USP54: variants seen among roughly 807,000 people sequenced by gnomAD.
USP54 encodes ubiquitin specific peptidase 54.
Under a neutral mutation model 170.5 loss-of-function variants are expected in USP54, and 87 were observed. The ratio of observed to expected loss-of-function variants is 0.51; its 90% CI spans 0.43 to 0.61. The LOEUF is 0.61. Among genes scored for constraint, USP54 ranks in the 20% least tolerant of loss-of-function variants. The pLI, the probability that USP54 is intolerant of heterozygous loss-of-function variation, is 0.00. For synonymous variants in USP54, 655 were observed against 742.8 expected (o/e 0.88, Z 1.92); for missense variants, 1,786 against 2,047.8 (o/e 0.87, Z 2.47).
chr10:73,622,422 C>T (rs1185501635), intron 1 of USP54, among the ~76,000 whole-genome samples: 3 of 151,966 alleles, frequency 2.0e-5, no homozygotes, highest in Non-Finnish European at 4.4e-5. Flanking sequence ...TTCCTGGGTT[C>T]AAGCGATTCT....
chr10:73,543,524 G>A (rs994339530), intron 5 of USP54, among the ~76,000 whole-genome samples: 2 of 151,810 alleles, frequency 1.3e-5, no homozygotes, highest in Non-Finnish European at 2.9e-5. Context: ...CCGCCACCAC[G>A]CCCGGCTAAT....
intron 4 of USP54, among the ~76,000 whole-genome samples, chr10:73,565,685 C>A (rs80099024): frequency 3.9e-5 from 6 of 152,072 alleles, no homozygotes; most frequent in Admixed American, 6.6e-5. Flanking sequence ...TACCACCACA[C>A]TGGAAAAGAA....
upstream of USP54, among the ~76,000 whole-genome samples, chr10:73,591,721 T>C (rs557874012): frequency 6.6e-6 from 1 of 152,298 alleles, no homozygotes; most frequent in South Asian, 2.1e-4. Flanking sequence ...TGGCTGCTGC[T>C]TCCAAAGAAG....
Position 73,579,122 on chromosome 10 carries a change from T to A in USP54, c.-581-2761A>T, listed in dbSNP as rs190728494. Among the ~76,000 whole-genome samples the A allele has an allele frequency of 1.9e-4, 28 of 148,866 alleles. No individual in the cohort carries two copies. The East Asian group carries it at 5.8e-3, about 31-fold the overall frequency. On this transcript the variant is annotated intron_variant, in intron 1 of 23. Coordinates refer to ENST00000687698, the MANE Select transcript of USP54 (RefSeq NM_001391956.1). ...CTGGCATTACAGGCATGCACCACCA[T>A]GTATTTTTAGTACAGATGGGGTTTC...
intron 10 of USP54, among the ~76,000 whole-genome samples, chr10:73,538,844 A>G (rs1331735256): frequency 6.6e-6 from 1 of 152,136 alleles, no homozygotes; most frequent in East Asian, 1.9e-4. Context: ...TTTGTCACCT[A>G]TAAATACAAA....
At chr10:73,560,188 ACAC>A (rs771878040) in intron 4 of USP54, among the ~76,000 whole-genome samples, 8 of 152,198 alleles carry the variant, frequency 5.3e-5, no homozygotes, top group Non-Finnish European at 1.0e-4. Flanking sequence ...CACACTGGAA[ACAC>A]CACAAGATAA....
rs180866256 is a variant in USP54 at position 73,566,962 on chromosome 10, C to T, written c.240+4459G>A. The stretch of plus-strand genomic sequence containing the variant: ...CACGATCCTGGCTCACTGCAACCTC[C>T]GCTTCCCGGGTTCAAGTGATTCTCA... On this transcript the variant is annotated intron_variant, in intron 4 of 23. Coordinates refer to ENST00000687698, the MANE Select transcript of USP54 (RefSeq NM_001391956.1). Among the ~76,000 whole-genome samples, 473 of 151,928 alleles carry T rather than the reference C, an allele frequency of 3.1e-3. 3 individuals are homozygous for T. Among genetic ancestry groups the T allele is most frequent in the Non-Finnish European group, 4.7e-3 (321 of 67,958 alleles).
At position 73,571,420 on chromosome 10, in the gene USP54, C is replaced by CTA; in HGVS notation, c.240_240+1insTA (p.Gly81Ter). The CTA allele has an allele frequency of 6.2e-7, 1 of 1,613,000 alleles. No individual in the cohort carries two copies. The highest frequency in any genetic ancestry group is 8.5e-7 in the Non-Finnish European group (1 of 1,179,394). ...AGAAGAAACTAATTGGAAGTACTTA[C>CTA]CTTGAGAGCGCAAAAGATGCAGGAA... On this transcript the variant is annotated frameshift_variant and splice_region_variant. Transcript: ENST00000687698. LOFTEE classifies it high-confidence loss of function.
chr10:73,582,456 G>A (rs1382112870), intron 1 of USP54, among the ~76,000 whole-genome samples: 1 of 151,812 alleles, frequency 6.6e-6, no homozygotes, highest in Non-Finnish European at 1.5e-5. Context: ...TGCGATCTTG[G>A]CTCACTGCAA....
chr10:73,583,181 G>A (rs1223662602), intron 1 of USP54, among the ~76,000 whole-genome samples: 1 of 152,150 alleles, frequency 6.6e-6, no homozygotes, highest in African/African-American at 2.4e-5. Context: ...GAAGAGTAAG[G>A]AAGAAAAACA....
chr10:73,549,801 A>T (rs1350187989), intron 4 of USP54, among the ~76,000 whole-genome samples: 2 of 152,178 alleles, frequency 1.3e-5, no homozygotes, highest in African/African-American at 4.8e-5. Flanking sequence ...ATGATTTTTT[A>T]AAAATATAAA....
At position 73,508,993 on chromosome 10, in the gene USP54, A is replaced by C. The variant is rs2059724837; in HGVS notation, c.4052-3567T>G. Among the ~76,000 whole-genome samples the C allele has an allele frequency of 2.9e-5, 4 of 136,746 alleles. 1 individual carries two copies. The South Asian group carries it at 8.7e-4, about 30-fold the overall frequency. 89.7% of individuals were successfully genotyped at this position (136,746 alleles called of 152,430 possible). A position where few individuals can be genotyped will look rare whatever the true frequency, so the allele number is the denominator to read the frequency against. On this transcript the variant is annotated intron_variant, in intron 20 of 23. Transcript: ENST00000687698. Reference sequence around the variant, plus strand: ...ACATGTTTTTTTTTTTTTTTTCTTAAGGACTTAGACTATAATCAGCAAAAT... The same window carrying C: ...ACATGTTTTTTTTTTTTTTTTCTTACGGACTTAGACTATAATCAGCAAAAT...
At chr10:73,536,055 G>A in intron 11 of USP54, 2 of 594,112 alleles carry the variant, frequency 3.4e-6, no homozygotes, top group South Asian at 4.0e-5. Flanking sequence ...CTGAGTTGAG[G>A]CCAAGTGATT....
intron 13 of USP54, 60 bp from the exon 14 acceptor site, chr10:73,530,583 C>A: frequency 6.4e-7 from 1 of 1,563,804 alleles, no homozygotes; most frequent in Non-Finnish European, 8.6e-7. Flanking sequence ...ATACTAGACC[C>A]CAATGTCGAA....
chr10:73,522,797 A>G lies in USP54; in HGVS notation c.2362+786T>C, dbSNP rs189094037. Among the ~76,000 whole-genome samples, 364 of 152,336 alleles carry G rather than the reference A, an allele frequency of 2.4e-3. 3 individuals carry two copies. Among genetic ancestry groups the G allele is most frequent in the African/African-American group, 8.5e-3 (355 of 41,580 alleles). ...TTACTTGGCCCAAGAAGATTCTCTA[A>G]GTGTATATAAAAAGAGAAAAGTGGT... On this transcript the variant is annotated intron_variant, in intron 17 of 23. Coordinates refer to ENST00000687698, the MANE Select transcript of USP54 (RefSeq NM_001391956.1).
At chr10:73,562,800 T>C (rs2073372127) in intron 4 of USP54, among the ~76,000 whole-genome samples, 2 of 152,202 alleles carry the variant, frequency 1.3e-5, no homozygotes, top group African/African-American at 2.4e-5. Context: ...TTTTCTACAA[T>C]GTATTGCTAG....
In USP54 at chr10:73,617,935, A is replaced by AAAATAT. The variant is rs1420629667; in HGVS notation, c.-18+7631_-18+7632insATATTT. Among the ~76,000 whole-genome samples, 275 of 150,214 alleles carry AAAATAT rather than the reference A, an allele frequency of 1.8e-3. 4 individuals carry two copies. The highest frequency in any genetic ancestry group is 3.1e-3 in the Non-Finnish European group (214 of 67,980). On this transcript the variant is annotated intron_variant, in intron 1 of 22. Coordinates refer to the USP54 transcript ENST00000339859. Reference sequence around the variant, plus strand: ...AAAAATAAAAATAAAAATAAAAATAAGGCAGTGGTTCACACCTGTAATCTC... The same window carrying AAAATAT: ...AAAAATAAAAATAAAAATAAAAATAAAAATATGGCAGTGGTTCACACCTGTAATCTC...
chr10:73,624,190 A>G (rs867512526), intron 1 of USP54, among the ~76,000 whole-genome samples: 150 of 114,746 alleles, frequency 1.3e-3, no homozygotes, highest in African/African-American at 4.6e-3. Flanking sequence ...ATATATATAT[A>G]TATATGTATT....
chr10:73,574,421 T>C (rs2075777968), intron 3 of USP54, among the ~76,000 whole-genome samples: 1 of 152,128 alleles, frequency 6.6e-6, no homozygotes, highest in South Asian at 2.1e-4. Flanking sequence ...TGAAAGTCTT[T>C]GACTTGTGGA....
Sources: allele counts gnomAD v4.1 joint callset (sites outside exome capture counted in the v4.1 genomes callset), GRCh38; gene constraint gnomAD v4.1.1; transcripts MANE v1.5; gene names NCBI Gene and HGNC (gene_info 2026-07-23, HGNC 2026-07-21).